Variants in UGT2A2 observed in about 807,000 individuals in gnomAD.
UGT2A2 encodes UDP glucuronosyltransferase family 2 member A2.
Under a neutral mutation model 50.7 loss-of-function variants are expected in UGT2A2, and 60 were observed. That is an observed-to-expected ratio of 1.18 (90% CI 0.96 to 1.47). The LOEUF is 1.47. Ranked by LOEUF, UGT2A2 falls within the 40% of genes most tolerant of loss-of-function variation. The probability of loss-of-function intolerance (pLI) is 0.00; values close to 1 mark genes in which losing one functional copy is unlikely to be tolerated. For missense variants in UGT2A2, 762 were observed against 634.0 expected, an observed-to-expected ratio of 1.20 and a Z score of -2.17; for synonymous variants, 242 against 214.6, an observed-to-expected ratio of 1.13 and a Z score of -1.11.
intron 1 of UGT2A2, among the ~76,000 whole-genome samples, chr4:69,622,081 G>A (rs530914872): frequency 2.1e-3 from 318 of 151,828 alleles, no homozygotes; most frequent in Admixed American, 4.9e-3. Flanking sequence ...CTGGGTCATG[G>A]AATAGTCAGT....
chr4:69,638,445 C>A (rs1298753026), intron 1 of UGT2A2, among the ~76,000 whole-genome samples: 1 of 152,030 alleles, frequency 6.6e-6, no homozygotes, highest in Non-Finnish European at 1.5e-5. Flanking sequence ...ACAGTGAGAA[C>A]CAGGGTAGAG....
At chr4:69,623,514 T>A (rs530117504) in intron 1 of UGT2A2, among the ~76,000 whole-genome samples, 1 of 151,714 alleles carries the variant, frequency 6.6e-6, no homozygotes, top group African/African-American at 2.4e-5. Context: ...GCATAATATT[T>A]AACAGAATAG....
At chr4:69,599,424 G>A (rs1719127615) in intron 1 of UGT2A2, 30 bp from the exon 2 acceptor site, 4 of 1,607,088 alleles carry the variant, frequency 2.5e-6, no homozygotes, top group African/African-American at 1.3e-5. Flanking sequence ...TTGGATGGAG[G>A]AAATTAGCTT....
chr4:69,603,801 G>A lies in UGT2A2; in HGVS notation c.743-4407C>T, dbSNP rs925262024. On this transcript the variant is annotated intron_variant, in intron 1 of 5. Coordinates refer to ENST00000604629, the MANE Select transcript of UGT2A2 (RefSeq NM_001105677.2). ...GCCTCAGTAGCCGATTCAATCAACT[G>A]GAAGAAAGGGTATCAGTGATGGAAG... is the stretch of plus-strand genomic sequence containing the variant. Among the ~76,000 whole-genome samples, 2 of 136,852 alleles carry A rather than the reference G, an allele frequency of 1.5e-5. 1 individual carries two copies. Among genetic ancestry groups the A allele is most frequent in the Non-Finnish European group, 3.1e-5 (2 of 64,388 alleles). 89.8% of individuals were successfully genotyped at this position (136,852 alleles called of 152,430 possible). A position where few individuals can be genotyped will look rare whatever the true frequency, so the allele number is the denominator to read the frequency against.
chr4:69,609,992 G>T (rs1719937360), intron 1 of UGT2A2, among the ~76,000 whole-genome samples: 1 of 152,068 alleles, frequency 6.6e-6, no homozygotes, highest in Non-Finnish European at 1.5e-5. Flanking sequence ...AGAATGTTGA[G>T]GAAATAACAT....
intron 2 of UGT2A2, among the ~76,000 whole-genome samples, chr4:69,597,451 A>C (rs1422651368): frequency 6.6e-6 from 1 of 152,194 alleles, no homozygotes; most frequent in Non-Finnish European, 1.5e-5. Flanking sequence ...TCTGAGATTA[A>C]GGCCTTTCAC....
At chr4:69,598,660 C>T (rs1346067794) in intron 2 of UGT2A2, among the ~76,000 whole-genome samples, 5 of 151,978 alleles carry the variant, frequency 3.3e-5, no homozygotes, top group Admixed American at 1.3e-4. Context: ...CTTTTTGTTC[C>T]TTACAGTAAA....
Position 69,639,541 on chromosome 4 carries a change from T to C in UGT2A2, c.100A>G (p.Ile34Val). ...TEVVLSGNVL[I>V]WPTDGSHWLN... Reference sequence around the variant, plus strand: ...CAATGGCTACCATCTGTAGGCCAAATTAACACATTCCCACTTAGAACAACT... The same window carrying C: ...CAATGGCTACCATCTGTAGGCCAAACTAACACATTCCCACTTAGAACAACT... The change falls in exon 1 of 6, where the codon ATT (isoleucine) becomes GTT (valine). Residue 34 changes from isoleucine to valine, a missense_variant. Coordinates refer to ENST00000604629, the MANE Select transcript of UGT2A2 (RefSeq NM_001105677.2). 6.2e-7 allele frequency: 1 copy of C among 1,613,204 alleles called. No individual in the cohort carries two copies. The highest frequency in any genetic ancestry group is 1.7e-5 in the Admixed American group (1 of 59,964).
At chr4:69,611,300 TAA>T (rs1720033478) in intron 1 of UGT2A2, among the ~76,000 whole-genome samples, 3 of 149,062 alleles carry the variant, frequency 2.0e-5, no homozygotes, top group African/African-American at 7.5e-5. Flanking sequence ...CAGCTATTCT[TAA>T]TGCTATTAAT....
At chr4:69,629,077 C>T (rs944451816) in intron 1 of UGT2A2, among the ~76,000 whole-genome samples, 1 of 151,846 alleles carries the variant, frequency 6.6e-6, no homozygotes, top group African/African-American at 2.4e-5. Flanking sequence ...GTACCACAAG[C>T]CATAGCTTTT....
intron 1 of UGT2A2, among the ~76,000 whole-genome samples, chr4:69,619,357 G>C (rs1011762380): frequency 2.6e-5 from 4 of 151,650 alleles, no homozygotes; most frequent in Non-Finnish European, 5.9e-5. Flanking sequence ...CAACATCAGT[G>C]GCACTGTACT....
intron 1 of UGT2A2, among the ~76,000 whole-genome samples, chr4:69,614,244 C>T (rs1225880320): frequency 2.0e-5 from 3 of 151,776 alleles, no homozygotes; most frequent in South Asian, 4.2e-4. Context: ...AAATAAAATA[C>T]CTAAGAATAA....
chr4:69,634,432 G>C (rs1030740862), intron 1 of UGT2A2, among the ~76,000 whole-genome samples: 4 of 151,984 alleles, frequency 2.6e-5, no homozygotes, highest in African/African-American at 9.7e-5. Flanking sequence ...ATAGGAAACG[G>C]AGAGAAGCAA....
At chr4:69,605,324 G>A (rs1719544026) in intron 1 of UGT2A2, among the ~76,000 whole-genome samples, 1 of 136,768 alleles carries the variant, frequency 7.3e-6, no homozygotes, top group Admixed American at 7.2e-5. Flanking sequence ...AATGACTACT[G>A]GGTACATAAC....
At chr4:69,617,528 T>C (rs1471200817) in intron 1 of UGT2A2, among the ~76,000 whole-genome samples, 3 of 151,886 alleles carry the variant, frequency 2.0e-5, no homozygotes, top group Admixed American at 6.6e-5. Context: ...ATAGGAAATA[T>C]TGTAGCCATT....
chr4:69,596,403 T>C, intron 2 of UGT2A2, 22 bp from the exon 3 acceptor site: 1 of 1,542,600 alleles, frequency 6.5e-7, no homozygotes, highest in Non-Finnish European at 8.8e-7. Flanking sequence ...ATATATTTTC[T>C]ATTACAAAGG....
At chr4:69,592,817 T>A (rs1360940853) in intron 5 of UGT2A2, among the ~76,000 whole-genome samples, 4 of 151,940 alleles carry the variant, frequency 2.6e-5, no homozygotes, top group South Asian at 2.1e-4. Flanking sequence ...ACAAAAAAAA[T>A]TAATTTCTGA....
At position 69,604,099 on chromosome 4, in the gene UGT2A2, C is replaced by T. The variant is rs1300556100; in HGVS notation, c.743-4705G>A. ...AAGATACTCCTCGAGAAGAGCAACT[C>T]CAAGACACATAATTGTCAGACTCAC... is the stretch of plus-strand genomic sequence containing the variant. On this transcript the variant is annotated intron_variant, in intron 1 of 5. Transcript: ENST00000604629. 2.2e-5 allele frequency among the ~76,000 whole-genome samples: 3 copies of T among 135,374 alleles called. 1 individual carries two copies. Among genetic ancestry groups the T allele is most frequent in the African/African-American group, 6.0e-5 (2 of 33,156 alleles). The allele number at this position is 135,374 out of a possible 152,430, so 88.8% of individuals were successfully genotyped here.
chr4:69,597,274 G>A (rs536334984), intron 2 of UGT2A2, among the ~76,000 whole-genome samples: 31 of 152,240 alleles, frequency 2.0e-4, no homozygotes, highest in South Asian at 1.5e-3. Context: ...ACAATGATGC[G>A]TATGAGACAG....
Sources: allele counts gnomAD v4.1 joint callset (sites outside exome capture counted in the v4.1 genomes callset), GRCh38; gene constraint gnomAD v4.1.1; transcripts MANE v1.5; gene names NCBI Gene and HGNC (gene_info 2026-07-23, HGNC 2026-07-21).